Variants in RBFOX1 observed in about 807,000 individuals in gnomAD.
RBFOX1 encodes the protein RNA binding fox-1 homolog 1.
RBFOX1 carries 8 observed loss-of-function variants against 57.7 expected under a neutral mutation model. The ratio of observed to expected loss-of-function variants is 0.14; its 90% CI spans 0.08 to 0.25. RBFOX1 has a LOEUF of 0.25. RBFOX1 is among the 10% of genes least tolerant of loss of function. RBFOX1 has a pLI of 1.00. For synonymous variants in RBFOX1, 326 were observed against 222.4 expected (o/e 1.47, Z -4.15); for missense variants, 611 against 548.5 (o/e 1.11, Z -1.14).
intron 3 of RBFOX1, among the ~76,000 whole-genome samples, chr16:5,721,808 A>G (rs1393066748): frequency 2.0e-5 from 3 of 152,218 alleles, no homozygotes; most frequent in Non-Finnish European, 2.9e-5. Context: ...TGCCTGTGGA[A>G]ACCTTCGCAA....
At chr16:6,906,239 A>AT (rs531251389) in intron 3 of RBFOX1, among the ~76,000 whole-genome samples, 4 of 149,644 alleles carry the variant, frequency 2.7e-5, no homozygotes, top group Admixed American at 6.7e-5. Context: ...GCAATTTATT[A>AT]CCCCCCCCCA....
chr16:6,147,723 C>T (rs1265392562), intron 1 of RBFOX1, among the ~76,000 whole-genome samples: 1 of 152,202 alleles, frequency 6.6e-6, no homozygotes, highest in African/African-American at 2.4e-5. Flanking sequence ...TCAAAAGCCT[C>T]CCCAGTCCTC....
At chr16:5,882,904 T>A (rs1232320196) in intron 4 of RBFOX1, among the ~76,000 whole-genome samples, 1 of 152,252 alleles carries the variant, frequency 6.6e-6, no homozygotes, top group East Asian at 1.9e-4. Context: ...TGTAATAGTC[T>A]GTTACTGTAC....
At chr16:6,111,270 A>G (rs2152573599) in intron 1 of RBFOX1, among the ~76,000 whole-genome samples, 1 of 152,354 alleles carries the variant, frequency 6.6e-6, no homozygotes, top group East Asian at 1.9e-4. Flanking sequence ...TGTTGGACAT[A>G]CAGGTCTCAT....
chr16:7,633,723 A>G (rs1020292603), intron 11 of RBFOX1, among the ~76,000 whole-genome samples: 8 of 152,118 alleles, frequency 5.3e-5, no homozygotes, highest in Non-Finnish European at 8.8e-5. Flanking sequence ...TCCCTCTCCA[A>G]TTGGGTAGGC....
At chr16:7,687,525 A>G (rs1025101324) in intron 14 of RBFOX1, among the ~76,000 whole-genome samples, 2 of 152,054 alleles carry the variant, frequency 1.3e-5, no homozygotes, top group African/African-American at 2.4e-5. Context: ...GATCAGCAAT[A>G]TGAATTTTAA....
At chr16:7,200,923 A>G (rs547110023) in intron 4 of RBFOX1, among the ~76,000 whole-genome samples, 1 of 152,298 alleles carries the variant, frequency 6.6e-6, no homozygotes, top group African/African-American at 2.4e-5. Flanking sequence ...AAAAAAGTGA[A>G]TGAGGCAAGA....
intron 4 of RBFOX1, among the ~76,000 whole-genome samples, chr16:7,084,209 C>G (rs1460593527): frequency 1.3e-5 from 2 of 152,074 alleles, no homozygotes; most frequent in African/African-American, 4.8e-5. Flanking sequence ...TTAAATATAA[C>G]AGAACACTGT....
intron 1 of RBFOX1, among the ~76,000 whole-genome samples, chr16:5,266,838 C>A (rs1282750679): frequency 2.6e-5 from 4 of 152,054 alleles, no homozygotes; most frequent in Non-Finnish European, 5.9e-5. Context: ...GGATGACAGG[C>A]ATGAGCCACT....
At chr16:7,323,213 C>G (rs1249700491) in intron 4 of RBFOX1, among the ~76,000 whole-genome samples, 1 of 152,124 alleles carries the variant, frequency 6.6e-6, no homozygotes. Context: ...CACTTGATCC[C>G]AGGAGTACCA....
chr16:5,735,734 G>A (rs1002530094), intron 3 of RBFOX1, among the ~76,000 whole-genome samples: 15 of 152,192 alleles, frequency 9.9e-5, no homozygotes, highest in East Asian at 3.9e-4. Context: ...CTGTTTAGCC[G>A]GGCGTGGTGG....
intron 2 of RBFOX1, among the ~76,000 whole-genome samples, chr16:6,417,254 C>G (rs1442422917): frequency 1.3e-5 from 2 of 151,964 alleles, no homozygotes; most frequent in South Asian, 2.1e-4. Flanking sequence ...TCATGATCCA[C>G]CCACCTTGGC....
intron 1 of RBFOX1, among the ~76,000 whole-genome samples, chr16:5,285,414 T>A (rs890642633): frequency 2.0e-5 from 3 of 152,232 alleles, no homozygotes; most frequent in African/African-American, 7.2e-5. Flanking sequence ...CTGAGTTTCT[T>A]TAATGTCATT....
intron 3 of RBFOX1, among the ~76,000 whole-genome samples, chr16:6,944,961 A>G (rs940622049): frequency 3.3e-5 from 5 of 152,160 alleles, no homozygotes; most frequent in Admixed American, 6.5e-5. Context: ...TGACTGCTGT[A>G]TGGAGTACTC....
chr16:7,041,124 C>T (rs907506428), intron 3 of RBFOX1, among the ~76,000 whole-genome samples: 1 of 118,222 alleles, frequency 8.5e-6, no homozygotes, highest in Non-Finnish European at 1.7e-5. Flanking sequence ...TTAGTAAATA[C>T]GGGGTTTCAC....
chr16:6,285,378 A>C (rs932605047), intron 1 of RBFOX1, among the ~76,000 whole-genome samples: 8 of 152,190 alleles, frequency 5.3e-5, no homozygotes, highest in African/African-American at 1.9e-4. Flanking sequence ...AAAAGGAGCC[A>C]TATACATTGT....
chr16:5,274,543 CA>C (rs536525942), intron 1 of RBFOX1, among the ~76,000 whole-genome samples: 105 of 152,206 alleles, frequency 6.9e-4, no homozygotes, highest in African/African-American at 2.4e-3. Flanking sequence ...CTAAACAAAA[CA>C]AAAACAAAGA....
chr16:6,998,381 G>A (rs2092450034), intron 3 of RBFOX1, among the ~76,000 whole-genome samples: 1 of 152,070 alleles, frequency 6.6e-6, no homozygotes, highest in Non-Finnish European at 1.5e-5. Flanking sequence ...TGCTACAGAT[G>A]GTGAAAACTA....
chr16:5,579,801 C>T (rs1215114359), intron 2 of RBFOX1, among the ~76,000 whole-genome samples: 1 of 151,596 alleles, frequency 6.6e-6, no homozygotes, highest in Non-Finnish European at 1.5e-5. Flanking sequence ...GCTCTGTTGC[C>T]TAGGCTGGGG....
Sources: gnomAD v4.1 joint callset for allele counts (sites outside exome capture counted in the v4.1 genomes callset) on GRCh38, gnomAD v4.1.1 for gene constraint, MANE v1.5 for transcripts, NCBI Gene and HGNC (gene_info 2026-07-23, HGNC 2026-07-21) for gene names.